Variants in NCOR1 observed in about 807,000 individuals in gnomAD.
NCOR1 encodes protein phosphatase 1, regulatory subunit 109.
NCOR1 carries 63 observed loss-of-function variants against 288.1 expected under a neutral mutation model. The ratio of observed to expected loss-of-function variants is 0.22; its 90% CI spans 0.18 to 0.27. NCOR1 has a LOEUF of 0.27. Among genes scored for constraint, NCOR1 ranks in the 10% least tolerant of loss-of-function variants. NCOR1 has a pLI of 1.00. For synonymous variants in NCOR1, 1,007 were observed against 1,065.9 expected, an observed-to-expected ratio of 0.94 and a Z score of 1.08; for missense variants, 2,397 against 3,019.2, an observed-to-expected ratio of 0.79 and a Z score of 4.83.
In NCOR1 at chr17:16,173,489, T is replaced by C. The variant is rs958042899; in HGVS notation, c.243-1494A>G. ...TTTTATTCAAGACAACATGATTCCA[T>C]ATGTGGCACCCTAAAGAATTGGCAA... On this transcript the variant is annotated intron_variant, in intron 3 of 45. Transcript: ENST00000268712. Among the ~76,000 whole-genome samples the C allele has an allele frequency of 2.0e-5, 3 of 151,914 alleles. 1 individual carries two copies. Among genetic ancestry groups the C allele is most frequent in the Admixed American group, 2.0e-4 (3 of 15,242 alleles).
intron 5 of NCOR1, among the ~76,000 whole-genome samples, chr17:16,162,473 A>T (rs1166269747): frequency 2.0e-5 from 3 of 151,844 alleles, no homozygotes; most frequent in Non-Finnish European, 4.4e-5. Context: ...AAGGAAAAAA[A>T]AAAAACACCT....
rs1287859973 is a variant in NCOR1, at chr17:16,067,152, C to G, written c.4741+742G>C. Among the ~76,000 whole-genome samples, 8 of 152,388 alleles carry G rather than the reference C, an allele frequency of 5.2e-5. No homozygotes were observed. The East Asian group carries it at 1.3e-3, about 26-fold the overall frequency. On this transcript the variant is annotated intron_variant, in intron 32 of 45. Coordinates refer to ENST00000268712, the MANE Select transcript of NCOR1 (RefSeq NM_006311.4). ...CCCTCCCTGTGTAAAACACAATGCC[C>G]TCTGCCCAGCAGACTGCTCTCTAGA...
chr17:16,144,142 G>T (rs1026319458), intron 10 of NCOR1, among the ~76,000 whole-genome samples: 2 of 152,108 alleles, frequency 1.3e-5, no homozygotes, highest in African/African-American at 4.8e-5. Context: ...GAAAATTAAA[G>T]CTTTTAAAAT....
intron 5 of NCOR1, among the ~76,000 whole-genome samples, chr17:16,164,294 A>G (rs2081548494): frequency 6.6e-6 from 1 of 152,104 alleles, no homozygotes; most frequent in Admixed American, 6.6e-5. Flanking sequence ...CTTAGAGTGA[A>G]TACTGGGCTA....
chr17:16,196,639 C>T (rs1221345018), intron 1 of NCOR1, among the ~76,000 whole-genome samples: 2 of 152,008 alleles, frequency 1.3e-5, no homozygotes, highest in African/African-American at 4.8e-5. Context: ...TCCTGGCTAA[C>T]GCGGTGAAAC....
intron 4 of NCOR1, among the ~76,000 whole-genome samples, chr17:16,168,276 C>CGT (rs2082411089): frequency 6.6e-6 from 1 of 152,206 alleles, no homozygotes; most frequent in South Asian, 2.1e-4. Flanking sequence ...TCTCAGCTCA[C>CGT]TGCAACCACC....
Position 16,080,623 on chromosome 17 carries a change from C to T in NCOR1, c.3282G>A (p.Gln1094=). The T allele has an allele frequency of 6.2e-7, 1 of 1,614,090 alleles. No homozygotes were observed. Among genetic ancestry groups the T allele is most frequent in the South Asian group, 1.1e-5 (1 of 91,070 alleles). ...GSISLGLPRQ[Q]ESAKSATLPY... ...CTCACTGACCTGATTTGGCAGATTCCTGTTGCCGTGGCAGTCCAAGAGAGA... is the reference window on the plus strand; with the variant it reads ...CTCACTGACCTGATTTGGCAGATTCTTGTTGCCGTGGCAGTCCAAGAGAGA... The change falls in exon 24 of 46, where the codon CAG becomes CAA. Residue 1094 remains glutamine, a synonymous_variant. Transcript: ENST00000268712.
intron 15 of NCOR1, among the ~76,000 whole-genome samples, chr17:16,123,638 A>C (rs191096063): frequency 6.6e-6 from 1 of 152,128 alleles, no homozygotes; most frequent in Admixed American, 6.6e-5. Context: ...CTTGATGCAC[A>C]CTATGTTAAG....
intron 8 of NCOR1, among the ~76,000 whole-genome samples, chr17:16,150,597 A>G (rs1462532253): frequency 1.3e-5 from 2 of 152,168 alleles, no homozygotes; most frequent in South Asian, 4.1e-4. Flanking sequence ...TGTGCTGAGC[A>G]CTAAATAGGC....
At chr17:16,150,121 C>CAT (rs746382827) in intron 8 of NCOR1, among the ~76,000 whole-genome samples, 1 of 152,024 alleles carries the variant, frequency 6.6e-6, no homozygotes, top group Non-Finnish European at 1.5e-5. Flanking sequence ...CAATGACATG[C>CAT]AGGTTCAAGT....
chr17:16,185,867 G>C (rs928214314), intron 3 of NCOR1, among the ~76,000 whole-genome samples: 1 of 147,378 alleles, frequency 6.8e-6, no homozygotes, highest in African/African-American at 2.5e-5. Flanking sequence ...AGCCCAGGAG[G>C]TTGAGGCTGC....
At chr17:16,095,178 G>A (rs978508283) in intron 21 of NCOR1, among the ~76,000 whole-genome samples, 30 of 150,786 alleles carry the variant, frequency 2.0e-4, no homozygotes, top group Admixed American at 3.3e-4. Flanking sequence ...CTGCCCGGCC[G>A]CCCATCGTCT....
chr17:16,179,352 A>ATAG (rs1488105494), intron 3 of NCOR1, among the ~76,000 whole-genome samples: 2 of 152,206 alleles, frequency 1.3e-5, no homozygotes, highest in Non-Finnish European at 2.9e-5. Flanking sequence ...ATATGTCAAT[A>ATAG]AATTGGATAA....
At position 16,031,834 on chromosome 17, in the gene NCOR1, A is replaced by G. The variant is rs1972058641; in HGVS notation, c.*462T>C. 1 of 232,582 alleles carries G rather than the reference A, an allele frequency of 4.3e-6. No homozygotes were observed. The highest frequency in any genetic ancestry group is 8.5e-6 in the Non-Finnish European group (1 of 117,830). 14.4% of individuals were successfully genotyped at this position (232,582 alleles called of 1,614,324 possible). A position where few individuals can be genotyped will look rare whatever the true frequency, so the allele number is the denominator to read the frequency against. Reference sequence around the variant, plus strand: ...GTAACTGGGCTGTATGAGGTTGTTTAGAAGGCTAGGGTTAAAAAGATAGAT... The same window carrying G: ...GTAACTGGGCTGTATGAGGTTGTTTGGAAGGCTAGGGTTAAAAAGATAGAT... On this transcript the variant is annotated 3_prime_UTR_variant, in exon 46 of 46. Transcript: ENST00000268712.
In NCOR1 at chr17:16,147,137, G is replaced by T. The variant is rs191764506; in HGVS notation, c.910-589C>A. ...TCATAAAAAGAAATCCAGGCTGGGCGCAGTGACTCACACTTGTAATCCCAG... is the reference window on the plus strand; with the variant it reads ...TCATAAAAAGAAATCCAGGCTGGGCTCAGTGACTCACACTTGTAATCCCAG... On this transcript the variant is annotated intron_variant, in intron 9 of 45. Transcript: ENST00000268712. 3.3e-5 allele frequency among the ~76,000 whole-genome samples: 5 copies of T among 152,308 alleles called. No individual in the cohort carries two copies. The East Asian group carries it at 9.6e-4, about 29-fold the overall frequency.
At chr17:16,157,002 A>C (rs1219593308) in intron 6 of NCOR1, among the ~76,000 whole-genome samples, 1 of 152,110 alleles carries the variant, frequency 6.6e-6, no homozygotes, top group Non-Finnish European at 1.5e-5. Flanking sequence ...AAAAAAAAAA[A>C]CTATCAAATC....
At chr17:16,204,891 A>G (rs1434177620) in intron 1 of NCOR1, among the ~76,000 whole-genome samples, 1 of 152,214 alleles carries the variant, frequency 6.6e-6, no homozygotes, top group Non-Finnish European at 1.5e-5. Context: ...TAACATTACA[A>G]AAGAATAGCT....
intron 37 of NCOR1, among the ~76,000 whole-genome samples, chr17:16,060,732 A>G (rs2060465045): frequency 6.6e-6 from 1 of 152,224 alleles, no homozygotes; most frequent in African/African-American, 2.4e-5. Flanking sequence ...AGATGATTAT[A>G]TATGATTAAA....
intron 31 of NCOR1, 59 bp from the exon 32 acceptor site, chr17:16,068,180 T>C: frequency 1.5e-6 from 2 of 1,338,094 alleles, no homozygotes; most frequent in Admixed American, 2.0e-5. Context: ...TGATAATATT[T>C]GTCCATTTCT....
Sources: allele counts gnomAD v4.1 joint callset (sites outside exome capture counted in the v4.1 genomes callset), GRCh38; gene constraint gnomAD v4.1.1; transcripts MANE v1.5; gene names NCBI Gene and HGNC (gene_info 2026-07-23, HGNC 2026-07-21).